Variants in FBXW10 observed in about 807,000 individuals in gnomAD.
FBXW10 encodes the protein F-box and WD repeat domain containing 10, also known as F-box/WD repeat-containing protein 10.
A neutral mutation model predicts 113.1 loss-of-function variants in FBXW10; 68 were observed. The observed-to-expected ratio is 0.60, with a 90% CI of 0.49 to 0.74. The LOEUF (loss-of-function observed/expected upper bound fraction) is 0.74. Among genes scored for constraint, FBXW10 ranks in the 30% least tolerant of loss-of-function variants. FBXW10 has a pLI of 0.00. For synonymous variants in FBXW10, 289 were observed against 481.6 expected (o/e 0.60, Z 5.24); for missense variants, 753 against 1,284.5 (o/e 0.59, Z 6.32).
intron 1 of FBXW10, among the ~76,000 whole-genome samples, chr17:18,747,363 C>T (rs1423036053): frequency 3.3e-5 from 5 of 152,234 alleles, no homozygotes; most frequent in African/African-American, 9.6e-5. Context: ...GAGTTCGAGA[C>T]GAGCCTGGCC....
chr17:18,777,987 A>C (rs2035733543), intron 13 of FBXW10, among the ~76,000 whole-genome samples: 1 of 151,830 alleles, frequency 6.6e-6, no homozygotes. Flanking sequence ...GCGGTGGCTC[A>C]TGCCTGTAAT....
intron 7 of FBXW10, among the ~76,000 whole-genome samples, chr17:18,761,305 G>A (rs900078580): frequency 2.0e-5 from 3 of 147,536 alleles, no homozygotes; most frequent in African/African-American, 5.0e-5. Context: ...TCGCTCTCTC[G>A]CCCAGGCTAG....
At chr17:18,751,200 C>G (rs1446740599) in intron 5 of FBXW10, 147 bp downstream of exon 5, 1 of 1,026,280 alleles carries the variant, frequency 9.7e-7, no homozygotes, top group East Asian at 2.6e-5. Context: ...TTCTGTGTTG[C>G]TACTGACTTA....
At chr17:18,771,845 G>A (rs1597604338) in intron 11 of FBXW10, among the ~76,000 whole-genome samples, 1 of 152,162 alleles carries the variant, frequency 6.6e-6, no homozygotes, top group Non-Finnish European at 1.5e-5. Context: ...GCAGTGGCTC[G>A]TGCTTGTAAT....
chr17:18,772,418 G>A lies in FBXW10; in HGVS notation c.2013G>A (p.Val671=), dbSNP rs1203410584. The A allele has an allele frequency of 6.2e-6, 10 of 1,613,266 alleles. No individual in the cohort carries two copies. The highest frequency in any genetic ancestry group is 8.5e-6 in the Non-Finnish European group (10 of 1,179,622). The change falls in exon 12 of 14, where the codon GTG becomes GTA. Residue 671 remains valine, a synonymous_variant. Coordinates refer to ENST00000395665, the MANE Select transcript of FBXW10 (RefSeq NM_001267585.2). ...CCTGTTGTTTCGGTTCCAGGATGGT[G>A]GTCAACACAGAGAGCAATGTTCTCA... ...LSFFIQGNRM[V]VNTESNVLMF... is the part of the protein sequence containing the mutation.
At chr17:18,748,246 C>T (rs1474637732) in intron 2 of FBXW10, 141 bp downstream of exon 2, 98 of 1,417,616 alleles carry the variant, frequency 6.9e-5, no homozygotes, top group South Asian at 6.1e-4. Context: ...GGTGAAACCC[C>T]GTCTCTACTA....
chr17:18,772,094 G>A (rs761880174), intron 11 of FBXW10, among the ~76,000 whole-genome samples: 12 of 152,116 alleles, frequency 7.9e-5, no homozygotes, highest in Non-Finnish European at 1.3e-4. Flanking sequence ...GTGACAGAGC[G>A]AGACTCCTTC....
intron 7 of FBXW10, 63 bp downstream of exon 7, chr17:18,758,568 G>C: frequency 1.9e-6 from 3 of 1,603,344 alleles, no homozygotes; most frequent in Non-Finnish European, 2.6e-6. Context: ...GCTCATGGAA[G>C]AAGTGTGCAT....
At chr17:18,759,858 A>T (rs1251876177) in intron 7 of FBXW10, among the ~76,000 whole-genome samples, 1 of 151,576 alleles carries the variant, frequency 6.6e-6, no homozygotes, top group Non-Finnish European at 1.5e-5. Context: ...CTCGTGATCC[A>T]CCCGCCTCGG....
chr17:18,765,663 T>C (rs1420861697), intron 8 of FBXW10, among the ~76,000 whole-genome samples: 1 of 152,214 alleles, frequency 6.6e-6, no homozygotes, highest in Non-Finnish European at 1.5e-5. Flanking sequence ...GAAGGTGCTT[T>C]TGGGGAGCAC....
In FBXW10 at chr17:18,751,018, C is replaced by T. The variant is rs752194941; in HGVS notation, c.1087C>T (p.Arg363Cys). 4.7e-5 allele frequency: 76 copies of T among 1,613,926 alleles called. No homozygotes were observed. The Middle Eastern group carries it at 4.9e-4, about 10-fold the overall frequency. Residue 363 changes from arginine (R) to cysteine (C), a missense_variant, in exon 5 of 14, where the codon CGT (arginine) becomes TGT (cysteine). Physicochemically the swap from Arg to Cys is radical, Grantham distance 180 (BLOSUM62 -3). Transcript: ENST00000395665. ...AATGGTAGATGACGGGAAGAGCATG[C>T]GTGTGAAACATCCGAAGTGGAAGCT... ...PKMVDDGKSM[R>C]VKHPKWKLRT...
At chr17:18,747,318 T>A (rs1476601493) in intron 1 of FBXW10, among the ~76,000 whole-genome samples, 1 of 152,156 alleles carries the variant, frequency 6.6e-6, no homozygotes, top group Non-Finnish European at 1.5e-5. Flanking sequence ...CCCAGCACAT[T>A]TGGAGGCCGA....
At chr17:18,774,813 T>C (rs2035674258) in intron 12 of FBXW10, among the ~76,000 whole-genome samples, 1 of 151,818 alleles carries the variant, frequency 6.6e-6, no homozygotes, top group South Asian at 2.1e-4. Context: ...AACAAACAAA[T>C]AAACAAAAAA....
chr17:18,747,428 C>T (rs995555376), intron 1 of FBXW10, among the ~76,000 whole-genome samples: 4 of 152,034 alleles, frequency 2.6e-5, no homozygotes, highest in Non-Finnish European at 5.9e-5. Context: ...AGGTGTCATG[C>T]ACTTGTAATC....
chr17:18,746,565 CA>C (rs1348417849), intron 1 of FBXW10, among the ~76,000 whole-genome samples: 2 of 152,080 alleles, frequency 1.3e-5, no homozygotes, highest in African/African-American at 2.4e-5. Context: ...TTTGGTGTGT[CA>C]GGGGTATAGA....
chr17:18,750,054 C>T lies in FBXW10; in HGVS notation c.916C>T (p.Gln306Ter). 1 of 1,613,714 alleles carries T rather than the reference C, an allele frequency of 6.2e-7. No individual in the cohort carries two copies. Among genetic ancestry groups the T allele is most frequent in the Non-Finnish European group, 8.5e-7 (1 of 1,179,932 alleles). The change falls in exon 4 of 14, where the codon CAG (glutamine) becomes TAG (stop). Residue 306 changes from glutamine (Q) to a stop codon, truncating the protein, a stop_gained. Coordinates refer to ENST00000395665, the MANE Select transcript of FBXW10 (RefSeq NM_001267585.2). LOFTEE classifies it high-confidence loss of function. ...CCTGAACAAGTGCGCCTCTGTGAGC[C>T]AGCACTGGGCCGCCATGGCTCAACA... ...HTLNKCASVSQHWAAMAQQVK... is the reference protein window; with the variant it reads ...HTLNKCASVS
At chr17:18,771,776 C>T (rs368098797) in intron 11 of FBXW10, among the ~76,000 whole-genome samples, 3 of 152,172 alleles carry the variant, frequency 2.0e-5, no homozygotes, top group Admixed American at 6.5e-5. Context: ...ACCCTAGGTA[C>T]GTGGCACTCA....
At position 18,769,930 on chromosome 17, in the gene FBXW10, G is replaced by A. The variant is rs370227023; in HGVS notation, c.1851G>A (p.Glu617=). 1.5e-5 allele frequency: 24 copies of A among 1,614,058 alleles called. No individual in the cohort carries two copies. The highest frequency in any genetic ancestry group is 2.0e-5 in the Non-Finnish European group (24 of 1,180,040). Residue 617 remains glutamate, a synonymous_variant, in exon 11 of 14, where the codon GAG becomes GAA. Transcript: ENST00000395665. ...RCLMAFKHPK[E]VLDVSLLFLR... ...CTGCTACTCTGTTCCCTTCCAGGGA[G>A]GTGCTCGACGTGTCCCTTCTCTTCC...
At chr17:18,768,348 G>C (rs891396218) in intron 9 of FBXW10, among the ~76,000 whole-genome samples, 186 bp from the exon 10 acceptor site, 2 of 152,164 alleles carry the variant, frequency 1.3e-5, no homozygotes, top group African/African-American at 4.8e-5. Context: ...TTACAGGCAT[G>C]AGCCACCGCA....
Sources: allele counts gnomAD v4.1 joint callset (sites outside exome capture counted in the v4.1 genomes callset), GRCh38; gene constraint gnomAD v4.1.1; transcripts MANE v1.5; gene names NCBI Gene and HGNC (gene_info 2026-07-23, HGNC 2026-07-21).